The following KALRN variants were observed in gnomAD, a reference collection of about 807,000 sequenced individuals.
KALRN encodes kalirin RhoGEF kinase, also known as kalirin.
Under a neutral mutation model 353.7 loss-of-function variants are expected in KALRN, and 70 were observed. That is an observed-to-expected ratio of 0.20 (90% CI 0.16 to 0.24). The LOEUF is 0.24. KALRN is among the 10% of genes least tolerant of loss of function. The pLI is 1.00. For missense variants in KALRN, 2,791 were observed against 3,756.7 expected (o/e 0.74, Z 6.72); for synonymous variants, 1,391 against 1,434.8 (o/e 0.97, Z 0.69).
At chr3:124,121,491 A>G (rs887517794) in intron 1 of KALRN, among the ~76,000 whole-genome samples, 1 of 152,170 alleles carries the variant, frequency 6.6e-6, no homozygotes, top group Non-Finnish European at 1.5e-5. Context: ...TATCATTGCC[A>G]TGTCTACAGT....
intron 1 of KALRN, among the ~76,000 whole-genome samples, chr3:124,192,297 CACTT>C (rs2075003384): frequency 6.6e-6 from 1 of 152,066 alleles, no homozygotes; most frequent in African/African-American, 2.4e-5. Context: ...CCCATGTTCT[CACTT>C]ATTTATGGGA....
intron 34 of KALRN, among the ~76,000 whole-genome samples, chr3:124,570,361 A>G (rs576145500): frequency 2.0e-5 from 3 of 152,168 alleles, no homozygotes; most frequent in Non-Finnish European, 4.4e-5. Context: ...CTTCATTTGT[A>G]TAGGATTGTA....
At chr3:124,508,430 A>T (rs1188955410) in intron 33 of KALRN, among the ~76,000 whole-genome samples, 1 of 152,164 alleles carries the variant, frequency 6.6e-6, no homozygotes, top group Non-Finnish European at 1.5e-5. Flanking sequence ...ATCATTCTAC[A>T]TATATCCTTT....
At chr3:124,042,965 A>G (rs1397838508) in intron 1 of KALRN, among the ~76,000 whole-genome samples, 2 of 152,210 alleles carry the variant, frequency 1.3e-5, no homozygotes, top group East Asian at 1.9e-4. Context: ...ACAGAATTGT[A>G]TATACAGGGG....
intron 34 of KALRN, among the ~76,000 whole-genome samples, chr3:124,585,795 T>C (rs576111193): frequency 6.6e-6 from 1 of 152,344 alleles, no homozygotes; most frequent in Admixed American, 6.5e-5. Context: ...TTTGCCCTTT[T>C]AAAAAGTTTC....
chr3:124,663,636 G>T (rs952720892), intron 45 of KALRN, among the ~76,000 whole-genome samples: 1 of 152,132 alleles, frequency 6.6e-6, no homozygotes, highest in Non-Finnish European at 1.5e-5. Flanking sequence ...AGAAAGATGT[G>T]GATCTTTTAT....
At chr3:124,524,515 T>C (rs2067423346) in intron 33 of KALRN, among the ~76,000 whole-genome samples, 2 of 152,198 alleles carry the variant, frequency 1.3e-5, no homozygotes, top group Admixed American at 1.3e-4. Flanking sequence ...GTGGTTTTGC[T>C]GAGCTTTAGA....
intron 1 of KALRN, among the ~76,000 whole-genome samples, chr3:124,145,595 C>T (rs889453544): frequency 6.6e-6 from 1 of 152,340 alleles, no homozygotes; most frequent in Admixed American, 6.5e-5. Flanking sequence ...GCAGCTGCTA[C>T]TCTGTGCCCA....
intron 33 of KALRN, among the ~76,000 whole-genome samples, chr3:124,533,290 A>G (rs332416): frequency 0.18 from 27,820 of 152,070 alleles, 3,207 homozygotes; most frequent in African/African-American, 0.31. Flanking sequence ...AGATGTTTTC[A>G]GAAATTAACA....
chr3:124,195,495 G>A (rs1176962440), intron 1 of KALRN, among the ~76,000 whole-genome samples: 3 of 152,108 alleles, frequency 2.0e-5, no homozygotes, highest in African/African-American at 4.8e-5. Flanking sequence ...TGAGGCTCCC[G>A]TGTGCTGTCA....
intron 34 of KALRN, among the ~76,000 whole-genome samples, chr3:124,566,490 G>A (rs2072854086): frequency 7.0e-6 from 1 of 143,870 alleles, no homozygotes; most frequent in Non-Finnish European, 1.5e-5. Flanking sequence ...GGGTTGCAGA[G>A]TGAAACCCTG....
At chr3:124,220,878 A>G (rs1415698016) in intron 1 of KALRN, among the ~76,000 whole-genome samples, 1 of 152,210 alleles carries the variant, frequency 6.6e-6, no homozygotes, top group Non-Finnish European at 1.5e-5. Context: ...ACCTCCCCGT[A>G]TCCTCAAAGA....
intron 5 of KALRN, among the ~76,000 whole-genome samples, chr3:124,276,821 G>A (rs1010011466): frequency 4.6e-5 from 7 of 152,184 alleles, no homozygotes; most frequent in Admixed American, 2.0e-4. Flanking sequence ...AGGTGGGCAC[G>A]TATAGGGGCA....
At chr3:124,305,872 A>G (rs1453427160) in intron 6 of KALRN, among the ~76,000 whole-genome samples, 1 of 152,216 alleles carries the variant, frequency 6.6e-6, no homozygotes, top group East Asian at 1.9e-4. Context: ...CCAGGAAAAA[A>G]AAGGAGTAAA....
intron 5 of KALRN, among the ~76,000 whole-genome samples, chr3:124,297,144 T>C (rs1215429719): frequency 6.6e-6 from 1 of 152,246 alleles, no homozygotes; most frequent in Non-Finnish European, 1.5e-5. Context: ...CCCTGGCACA[T>C]AGCAGGTATC....
At chr3:124,203,533 G>T (rs1315313259) in intron 1 of KALRN, among the ~76,000 whole-genome samples, 3 of 152,192 alleles carry the variant, frequency 2.0e-5, no homozygotes, top group African/African-American at 7.2e-5. Context: ...GCTGCTGCTG[G>T]AAGAGAGAGG....
intron 34 of KALRN, among the ~76,000 whole-genome samples, chr3:124,579,636 A>G (rs528543517): frequency 2.6e-5 from 4 of 152,170 alleles, no homozygotes; most frequent in Non-Finnish European, 4.4e-5. Context: ...TATTCAAATG[A>G]TATCATGGGA....
At chr3:124,256,681 C>T (rs2072042542) in intron 3 of KALRN, among the ~76,000 whole-genome samples, 1 of 152,172 alleles carries the variant, frequency 6.6e-6, no homozygotes, top group Non-Finnish European at 1.5e-5. Flanking sequence ...ACACCTGGAT[C>T]TATCAGACCT....
intron 33 of KALRN, among the ~76,000 whole-genome samples, chr3:124,518,206 C>T (rs552535601): frequency 2.0e-4 from 30 of 152,306 alleles, no homozygotes; most frequent in African/African-American, 5.5e-4. Flanking sequence ...GAAAGTCTTA[C>T]ACACACTGTT....
Sources: gnomAD v4.1 joint callset for allele counts (sites outside exome capture counted in the v4.1 genomes callset) on GRCh38, gnomAD v4.1.1 for gene constraint, MANE v1.5 for transcripts, NCBI Gene and HGNC (gene_info 2026-07-23, HGNC 2026-07-21) for gene names.